ME2: variants seen among roughly 807,000 people sequenced by gnomAD.
The protein encoded by ME2 is NAD-dependent malic enzyme, mitochondrial.
In ME2, 60 loss-of-function variants were observed where a neutral mutation model predicts 73.7. The observed-to-expected ratio is 0.81, with a 90% CI of 0.66 to 1.01. The LOEUF is 1.01. Among genes scored for constraint, ME2 ranks in the 50% least tolerant of loss-of-function variants. The pLI is 0.00. For missense variants in ME2, 594 were observed against 705.5 expected (o/e 0.84, Z 1.79); for synonymous variants, 199 against 236.9 (o/e 0.84, Z 1.47).
rs149939899 is a variant in ME2 at position 50,907,850 on chromosome 18, A to G, written c.109-213A>G. Among the ~76,000 whole-genome samples the G allele has an allele frequency of 4.3e-3, 653 of 152,356 alleles. 10 individuals carry two copies. The East Asian group carries it at 0.065, about 15-fold the overall frequency. The stretch of plus-strand genomic sequence containing the variant: ...CTTTAAAACTGTCTTCCAAAGGCCT[A>G]AACTAGTTTATATTCCCAGCAGTGG... On this transcript the variant is annotated intron_variant, in intron 2 of 15. Transcript: ENST00000321341.
chr18:50,942,254 C>T (rs1000547901), intron 15 of ME2, among the ~76,000 whole-genome samples: 4 of 152,116 alleles, frequency 2.6e-5, no homozygotes, highest in Admixed American at 6.5e-5. Context: ...TTGATTAATG[C>T]GTCCGTTGTT....
chr18:50,885,177 TA>T (rs544598829), intron 1 of ME2, among the ~76,000 whole-genome samples: 14 of 152,254 alleles, frequency 9.2e-5, no homozygotes, highest in Non-Finnish European at 1.8e-4. Flanking sequence ...CTGTAGTAAA[TA>T]ATGCTATCTC....
chr18:50,899,003 A>G (rs553072318), intron 2 of ME2, among the ~76,000 whole-genome samples: 6 of 152,342 alleles, frequency 3.9e-5, no homozygotes, highest in South Asian at 4.1e-4. Context: ...TCAGCTCTGC[A>G]TCCTTTCCCA....
chr18:50,939,128 C>CAAAAAAAAAAG (rs1917882783), intron 13 of ME2: 1 of 57,812 alleles, frequency 1.7e-5, no homozygotes, highest in African/African-American at 4.3e-5. Context: ...TAAGAGAAGG[C>CAAAAAAAAAAG]AAAAAAAAAA....
At chr18:50,889,076 T>C (rs1476582800) in intron 1 of ME2, among the ~76,000 whole-genome samples, 1 of 152,218 alleles carries the variant, frequency 6.6e-6, no homozygotes, top group Non-Finnish European at 1.5e-5. Flanking sequence ...ATAAACTATA[T>C]TCACCTTACT....
chr18:50,944,922 G>C (rs1918047546), intron 15 of ME2, among the ~76,000 whole-genome samples: 2 of 152,014 alleles, frequency 1.3e-5, no homozygotes, highest in Non-Finnish European at 2.9e-5. Flanking sequence ...CATCAGGCAG[G>C]CCACGTGTTC....
intron 15 of ME2, 86 bp downstream of exon 15, chr18:50,940,472 A>G (rs1781106101): frequency 2.1e-6 from 2 of 936,710 alleles, no homozygotes; most frequent in South Asian, 3.2e-5. Flanking sequence ...TAAATCTGAA[A>G]CATTTAGAAG....
intron 3 of ME2, among the ~76,000 whole-genome samples, chr18:50,910,723 T>G (rs1157488534): frequency 6.6e-6 from 1 of 152,182 alleles, no homozygotes; most frequent in African/African-American, 2.4e-5. Context: ...CACTCAGCCC[T>G]TCTCTTCAGA....
At position 50,921,583 on chromosome 18, in the gene ME2, T is replaced by C. The variant is rs547280044; in HGVS notation, c.1056+396T>C. Among the ~76,000 whole-genome samples the C allele has an allele frequency of 1.7e-4, 26 of 152,292 alleles. No homozygotes were observed. The South Asian group carries it at 5.2e-3, about 30-fold the overall frequency. ...AGAAATTCTTTTAATTTTATTATTA[T>C]TTATTTTTTTTGAGATGAAGTCTCT... is the stretch of plus-strand genomic sequence containing the variant. On this transcript the variant is annotated intron_variant, in intron 10 of 15. Coordinates refer to ENST00000321341, the MANE Select transcript of ME2 (RefSeq NM_002396.5).
chr18:50,879,541 G>A (rs1916261571), intron 1 of ME2, among the ~76,000 whole-genome samples: 1 of 152,212 alleles, frequency 6.6e-6, no homozygotes, highest in Admixed American at 6.5e-5. Flanking sequence ...AGCGGCCGCG[G>A]CTCTACCCGG....
At chr18:50,887,738 C>T (rs536609596) in intron 1 of ME2, among the ~76,000 whole-genome samples, 1 of 152,124 alleles carries the variant, frequency 6.6e-6, no homozygotes, top group African/African-American at 2.4e-5. Flanking sequence ...AAACTGCCTC[C>T]AAGGGTTGGT....
At position 50,920,718 on chromosome 18, in the gene ME2, C is replaced by A; in HGVS notation, c.902C>A (p.Pro301Gln). The A allele has an allele frequency of 6.2e-7, 1 of 1,611,944 alleles. No homozygotes were observed. Among genetic ancestry groups the A allele is most frequent in the Non-Finnish European group, 8.5e-7 (1 of 1,179,780 alleles). The part of the protein sequence containing the change: ...LLAAQKVISK[P>Q]ISEHKILFLG... ...GCAGCACAAAAAGTTATTAGTAAAC[C>A]AATCTCCGAACACAAAATCTTATTC... The change falls in exon 9 of 16, where the codon CCA (proline) becomes CAA (glutamine). Residue 301 changes from proline (P) to glutamine (Q), a missense_variant. By Grantham distance (76) the Pro-to-Gln change is moderately conservative. Transcript: ENST00000321341.
intron 1 of ME2, among the ~76,000 whole-genome samples, chr18:50,886,529 C>T (rs1297308633): frequency 6.6e-6 from 1 of 152,088 alleles, no homozygotes; most frequent in Non-Finnish European, 1.5e-5. Flanking sequence ...CAGGCGTGAG[C>T]CACTGCACCT....
chr18:50,910,868 A>T (rs1290432044), intron 3 of ME2, among the ~76,000 whole-genome samples: 1 of 152,246 alleles, frequency 6.6e-6, no homozygotes, highest in Non-Finnish European at 1.5e-5. Flanking sequence ...GATTCAGAGC[A>T]GGAAATAAAG....
At chr18:50,913,936 A>G (rs183134549) in intron 4 of ME2, among the ~76,000 whole-genome samples, 1 of 150,960 alleles carries the variant, frequency 6.6e-6, no homozygotes, top group East Asian at 1.9e-4. Context: ...CCTCTAATCC[A>G]TTATTATTTT....
intron 13 of ME2, chr18:50,932,991 C>A (rs1010018602): frequency 4.6e-5 from 7 of 152,198 alleles, no homozygotes; most frequent in Admixed American, 4.6e-4. Flanking sequence ...ACTGGTATCA[C>A]ACCAAAGGAA....
intron 1 of ME2, among the ~76,000 whole-genome samples, chr18:50,886,932 C>T (rs1382101914): frequency 6.6e-6 from 1 of 152,080 alleles, no homozygotes; most frequent in African/African-American, 2.4e-5. Context: ...ATCCAGGAGA[C>T]GGAGGCTGCA....
At chr18:50,944,653 G>A (rs906680981) in intron 15 of ME2, among the ~76,000 whole-genome samples, 1 of 152,162 alleles carries the variant, frequency 6.6e-6, no homozygotes, top group African/African-American at 2.4e-5. Flanking sequence ...CCCCCCTTAT[G>A]TCTAAAGCTT....
intron 1 of ME2, among the ~76,000 whole-genome samples, chr18:50,886,114 ATATG>A (rs1376992655): frequency 3.9e-5 from 6 of 151,908 alleles, no homozygotes; most frequent in African/African-American, 1.5e-4. Context: ...GGTTCTATAT[ATATG>A]TGTGTGTGTG....
Sources: allele counts gnomAD v4.1 joint callset (sites outside exome capture counted in the v4.1 genomes callset), GRCh38; gene constraint gnomAD v4.1.1; transcripts MANE v1.5; gene names NCBI Gene and HGNC (gene_info 2026-07-23, HGNC 2026-07-21).